The following DEK variants were observed in gnomAD, a reference collection of about 807,000 sequenced individuals.
The protein encoded by DEK is protein DEK.
DEK carries 28 observed loss-of-function variants against 46.8 expected under a neutral mutation model. The observed-to-expected ratio is 0.60, with a 90% confidence interval of 0.44 to 0.82. The LOEUF is 0.82. DEK is among the 40% of genes least tolerant of loss of function. DEK has a pLI of 0.00. For synonymous variants in DEK, 160 were observed against 144.5 expected (o/e 1.11, Z -0.77); for missense variants, 416 against 430.6 (o/e 0.97, Z 0.30).
chr6:18,242,844 C>T (rs1790953533), intron 7 of DEK, among the ~76,000 whole-genome samples: 1 of 152,116 alleles, frequency 6.6e-6, no homozygotes, highest in East Asian at 1.9e-4. Flanking sequence ...TTTCTAAGAT[C>T]TATAGTAAGA....
Position 18,249,688 on chromosome 6 carries a change from TCTTC to T in DEK, c.721_724del (p.Glu241SerfsTer36). 1 of 1,600,924 alleles carries T rather than the reference TCTTC, an allele frequency of 6.2e-7. No individual in the cohort carries two copies. Among genetic ancestry groups the T allele is most frequent in the Non-Finnish European group, 8.5e-7 (1 of 1,176,382 alleles). ...TTCTTTATCTTCATCATCTGAAGAC[TCTTC>T]CTTGTTTTTCTTTTCATCTTCATCA... On this transcript the variant is annotated frameshift_variant, in exon 7 of 11. Transcript: ENST00000652689. LOFTEE classifies it high-confidence loss of function.
intron 2 of DEK, among the ~76,000 whole-genome samples, chr6:18,260,316 T>G (rs1250306297): frequency 6.6e-6 from 1 of 152,196 alleles, no homozygotes; most frequent in Admixed American, 6.5e-5. Flanking sequence ...ACCATCCATT[T>G]TTACCAATTT....
chr6:18,231,301 T>G (rs1790402203), intron 9 of DEK, among the ~76,000 whole-genome samples: 3 of 151,916 alleles, frequency 2.0e-5, no homozygotes, highest in East Asian at 1.9e-4. Flanking sequence ...ACATCACAAT[T>G]AAAAGAACTA....
chr6:18,260,223 CAACTT>C (rs1336663474), intron 2 of DEK, among the ~76,000 whole-genome samples: 2 of 152,238 alleles, frequency 1.3e-5, no homozygotes, highest in East Asian at 1.9e-4. Flanking sequence ...ATGACTAATA[CAACTT>C]AACTGATATG....
intron 6 of DEK, among the ~76,000 whole-genome samples, chr6:18,250,377 G>A (rs1457567750): frequency 6.6e-6 from 1 of 152,008 alleles, no homozygotes; most frequent in African/African-American, 2.4e-5. Context: ...GCTGAGGCAG[G>A]AGAAAGGCGT....
At chr6:18,259,822 T>C (rs763026304) in intron 2 of DEK, among the ~76,000 whole-genome samples, 9 of 152,200 alleles carry the variant, frequency 5.9e-5, no homozygotes, top group Non-Finnish European at 1.2e-4. Context: ...TTTAGTAATG[T>C]AAGGATTCGC....
chr6:18,229,878 C>T (rs112058258), intron 9 of DEK, among the ~76,000 whole-genome samples: 7 of 152,240 alleles, frequency 4.6e-5, no homozygotes, highest in African/African-American at 1.4e-4. Context: ...ATACAGAGAA[C>T]ACCACAAAAA....
chr6:18,259,744 AATTG>A (rs755375574), intron 2 of DEK, among the ~76,000 whole-genome samples: 4 of 152,142 alleles, frequency 2.6e-5, no homozygotes, highest in Admixed American at 6.6e-5. Flanking sequence ...ACTGAGGAGG[AATTG>A]ATTATTTTGG....
chr6:18,263,288 C>T (rs896044709), intron 2 of DEK, among the ~76,000 whole-genome samples: 1 of 152,154 alleles, frequency 6.6e-6, no homozygotes, highest in Non-Finnish European at 1.5e-5. Context: ...TCATTTTTAA[C>T]TACTTTCTCA....
intron 1 of DEK, 163 bp downstream of exon 1, chr6:18,264,222 T>G (rs1792008124): frequency 6.0e-6 from 2 of 331,448 alleles, no homozygotes; most frequent in South Asian, 1.1e-4. Context: ...CTGCCCCGCG[T>G]GCGCGCGCGC....
intron 6 of DEK, among the ~76,000 whole-genome samples, chr6:18,253,969 C>A (rs1791498498): frequency 6.6e-6 from 1 of 152,090 alleles, no homozygotes; most frequent in Non-Finnish European, 1.5e-5. Flanking sequence ...TCCCAAAGGG[C>A]AGGGATTACA....
intron 7 of DEK, chr6:18,244,696 G>T: frequency 4.0e-6 from 2 of 494,646 alleles, no homozygotes; most frequent in Non-Finnish European, 6.8e-6. Flanking sequence ...CAAGAGGAAA[G>T]AATGTGCAAG....
chr6:18,241,465 C>T (rs1482252296), intron 7 of DEK, among the ~76,000 whole-genome samples: 5 of 152,218 alleles, frequency 3.3e-5, no homozygotes, highest in African/African-American at 1.2e-4. Flanking sequence ...TTTCACAATA[C>T]CATCAATTTG....
In DEK at chr6:18,238,252, A is replaced by G. The variant is rs77458948; in HGVS notation, c.763-736T>C. ...AGTTGCTCAATAAATACTTATGACT[A>G]TATGAGGAAACTAAGGCTCAGTGTG... On this transcript the variant is annotated intron_variant, in intron 7 of 10. Transcript: ENST00000652689. Among the ~76,000 whole-genome samples, 619 of 152,126 alleles carry G rather than the reference A, an allele frequency of 4.1e-3. 4 individuals are homozygous for G. The highest frequency in any genetic ancestry group is 8.9e-3 in the Admixed American group (136 of 15,298).
At chr6:18,242,062 G>A (rs1328105040) in intron 7 of DEK, among the ~76,000 whole-genome samples, 2 of 152,230 alleles carry the variant, frequency 1.3e-5, no homozygotes, top group Non-Finnish European at 2.9e-5. Flanking sequence ...GAATTCTAGA[G>A]AGAACTCTGA....
rs1411793787 is a variant in DEK at position 18,260,331 on chromosome 6, T to C, written c.146-1926A>G. Among the ~76,000 whole-genome samples the C allele has an allele frequency of 2.0e-5, 3 of 152,196 alleles. No homozygotes were observed. The East Asian group carries it at 5.8e-4, about 29-fold the overall frequency. ...ACCATCCATTTTTACCAATTTGTGG[T>C]TGATTGAATCCACAGATGAGGAACC... On this transcript the variant is annotated intron_variant, in intron 2 of 10. Transcript: ENST00000652689.
chr6:18,264,196 C>T, intron 1 of DEK, 189 bp downstream of exon 1: 1 of 412,980 alleles, frequency 2.4e-6, no homozygotes, highest in Non-Finnish European at 4.1e-6. Context: ...ATTCCCGAGG[C>T]GGGAAACCGC....
chr6:18,254,806 C>A (rs981716126), intron 6 of DEK, among the ~76,000 whole-genome samples: 2 of 152,142 alleles, frequency 1.3e-5, no homozygotes, highest in African/African-American at 2.4e-5. Flanking sequence ...TTTAAACAAG[C>A]CAATTTAAAA....
chr6:18,226,639 G>C (rs998531771), intron 9 of DEK, among the ~76,000 whole-genome samples: 2 of 152,176 alleles, frequency 1.3e-5, no homozygotes, highest in African/African-American at 4.8e-5. Flanking sequence ...AAGTAGCCAG[G>C]CATGGTCATG....
Sources: gnomAD v4.1 joint callset for allele counts (sites outside exome capture counted in the v4.1 genomes callset) on GRCh38, gnomAD v4.1.1 for gene constraint, MANE v1.5 for transcripts, NCBI Gene and HGNC (gene_info 2026-07-23, HGNC 2026-07-21) for gene names.